CLEC16A: variants seen among roughly 807,000 people sequenced by gnomAD.
CLEC16A encodes the protein C-type lectin domain containing 16A.
CLEC16A carries 51 observed loss-of-function variants against 109.5 expected under a neutral mutation model. The observed-to-expected ratio is 0.47, with a 90% CI of 0.37 to 0.59. The LOEUF (loss-of-function observed/expected upper bound fraction) is 0.59, where lower values mean the gene tolerates loss of function less well. Ranked by LOEUF, CLEC16A falls within the 20% of genes least tolerant of loss-of-function variation. The probability of loss-of-function intolerance (pLI) is 0.00; values close to 1 mark genes in which losing one functional copy is unlikely to be tolerated. For synonymous variants in CLEC16A, 673 were observed against 564.2 expected, an observed-to-expected ratio of 1.19 and a Z score of -2.73; for missense variants, 1,339 against 1,394.0, an observed-to-expected ratio of 0.96 and a Z score of 0.63.
intron 22 of CLEC16A, among the ~76,000 whole-genome samples, chr16:11,145,762 C>T (rs1349273469): frequency 6.6e-6 from 1 of 152,270 alleles, no homozygotes; most frequent in African/African-American, 2.4e-5. Context: ...AACTCAGCCC[C>T]ACTGTTGCTC....
rs934559504 is a variant in CLEC16A, at chr16:11,170,511, C to G, written c.2806+3959C>G. On this transcript the variant is annotated intron_variant, in intron 23 of 23. Coordinates refer to ENST00000409790, the MANE Select transcript of CLEC16A (RefSeq NM_015226.3). Reference sequence around the variant, plus strand: ...TATCCCAAACACGTTCTCACCTTCCCGTGGGGACCTCAGCCTGGCTCCCAG... The same window carrying G: ...TATCCCAAACACGTTCTCACCTTCCGGTGGGGACCTCAGCCTGGCTCCCAG... Among the ~76,000 whole-genome samples, 3 of 152,210 alleles carry G rather than the reference C, an allele frequency of 2.0e-5. No homozygotes were observed. In the East Asian group the frequency reaches 5.8e-4, roughly 29 times the overall value.
chr16:10,986,936 C>G (rs548773552), intron 10 of CLEC16A, among the ~76,000 whole-genome samples: 1 of 152,098 alleles, frequency 6.6e-6, no homozygotes, highest in African/African-American at 2.4e-5. Flanking sequence ...TCACTGCAAC[C>G]TCTGTCTCCA....
At chr16:10,987,210 C>CGT (rs2043722111) in intron 10 of CLEC16A, among the ~76,000 whole-genome samples, 1 of 151,792 alleles carries the variant, frequency 6.6e-6, no homozygotes, top group African/African-American at 2.4e-5. Context: ...TATAGATTTG[C>CGT]GTGCAGTTGT....
chr16:11,124,451 GC>G, intron 21 of CLEC16A, among the ~76,000 whole-genome samples: 1 of 152,186 alleles, frequency 6.6e-6, no homozygotes, highest in African/African-American at 2.4e-5. Context: ...ATAAGAGGCA[GC>G]CCTGCTTGGT....
chr16:11,026,822 T>G (rs1403877608), intron 13 of CLEC16A, among the ~76,000 whole-genome samples: 5 of 152,164 alleles, frequency 3.3e-5, no homozygotes. Context: ...TGACACAGGC[T>G]CTAAAAACCC....
At chr16:11,093,514 G>A (rs2050433448) in intron 19 of CLEC16A, among the ~76,000 whole-genome samples, 1 of 152,184 alleles carries the variant, frequency 6.6e-6, no homozygotes, top group Non-Finnish European at 1.5e-5. Flanking sequence ...CTCAAGGGTT[G>A]GAAGGTGGGC....
At chr16:11,159,530 A>T (rs1280545505) in intron 22 of CLEC16A, among the ~76,000 whole-genome samples, 2 of 152,234 alleles carry the variant, frequency 1.3e-5, no homozygotes, top group African/African-American at 2.4e-5. Context: ...CTCATGTATA[A>T]ATTGGAGTTT....
At chr16:11,115,689 T>G (rs2051935276) in intron 19 of CLEC16A, among the ~76,000 whole-genome samples, 1 of 151,196 alleles carries the variant, frequency 6.6e-6, no homozygotes, top group African/African-American at 2.4e-5. Flanking sequence ...AAGTATTGAG[T>G]AAAGAAAACA....
chr16:11,039,988 C>T lies in CLEC16A; in HGVS notation c.1660+112C>T, dbSNP rs1597158409. The T allele has an allele frequency of 3.8e-6, 5 of 1,309,976 alleles. No homozygotes were observed. In the East Asian group the frequency reaches 7.8e-5, roughly 20 times the overall value. 81.1% of individuals were successfully genotyped at this position (1,309,976 alleles called of 1,614,324 possible). On this transcript the variant is annotated intron_variant, in intron 14 of 23. Transcript: ENST00000409790. ...CCTGAGCCTTCTGAGAATCCGGGCC[C>T]ATCCCAACCTCTCCCTCTGCCTCTC...
intron 22 of CLEC16A, among the ~76,000 whole-genome samples, chr16:11,127,126 C>T (rs1597478068): frequency 1.3e-5 from 2 of 152,136 alleles, no homozygotes; most frequent in South Asian, 4.1e-4. Flanking sequence ...CTATTGTTAA[C>T]AGTTTCTTGC....
chr16:10,979,297 C>T, intron 8 of CLEC16A, 32 bp from the exon 9 acceptor site: 1 of 1,358,996 alleles, frequency 7.4e-7, no homozygotes, highest in Non-Finnish European at 1.0e-6. Context: ...GTGACCTGAT[C>T]TCTCTCTCTC....
In CLEC16A at chr16:11,139,745, C is replaced by G. The variant is rs185712627; in HGVS notation, c.2641+13599C>G. On this transcript the variant is annotated intron_variant, in intron 22 of 23. Transcript: ENST00000409790. ...GCAGATGCTTCAACTGTATGAACTGCAAAGTTTGGACTGTGAAGTGCAGTG... is the reference window on the plus strand; with the variant it reads ...GCAGATGCTTCAACTGTATGAACTGGAAAGTTTGGACTGTGAAGTGCAGTG... 2.2e-4 allele frequency among the ~76,000 whole-genome samples: 34 copies of G among 152,290 alleles called. No individual in the cohort carries two copies. In the Middle Eastern group the frequency reaches 0.01, roughly 46 times the overall value.
intron 12 of CLEC16A, 161 bp from the exon 13 acceptor site, chr16:11,024,660 C>A: frequency 3.5e-6 from 2 of 572,746 alleles, no homozygotes; most frequent in Non-Finnish European, 3.2e-6. Context: ...GAGCCTGTCT[C>A]TCATTTGTCT....
At chr16:11,004,756 C>T (rs1039402177) in intron 11 of CLEC16A, among the ~76,000 whole-genome samples, 2 of 150,120 alleles carry the variant, frequency 1.3e-5, no homozygotes, top group Admixed American at 1.3e-4. Context: ...CAAAATGTCT[C>T]TCTGGTGCCA....
Position 11,103,726 on chromosome 16 carries a change from C to T in CLEC16A, c.2117-16889C>T, listed in dbSNP as rs193172647. On this transcript the variant is annotated intron_variant, in intron 19 of 23. Transcript: ENST00000409790. ...GGCATGTAATTGTCACTTCTTTGGG[C>T]TCCCATGCTAGACAGGAACCCCTGA... is the stretch of plus-strand genomic sequence containing the variant. Among the ~76,000 whole-genome samples, 183 of 152,194 alleles carry T rather than the reference C, an allele frequency of 1.2e-3. 1 individual carries two copies. The highest frequency in any genetic ancestry group is 5.2e-3 in the South Asian group (25 of 4,808).
At chr16:10,948,741 G>A (rs80079627) in intron 1 of CLEC16A, among the ~76,000 whole-genome samples, 20,310 of 152,120 alleles carry the variant, frequency 0.13, 1,334 homozygotes, top group African/African-American at 0.15. Context: ...GTCTGTCCCC[G>A]CTAAACCATG....
intron 19 of CLEC16A, among the ~76,000 whole-genome samples, chr16:11,089,942 G>T (rs2050212691): frequency 6.6e-6 from 1 of 152,194 alleles, no homozygotes; most frequent in Non-Finnish European, 1.5e-5. Flanking sequence ...TGGAATTCCT[G>T]CCTCCTTCAT....
At chr16:10,957,683 G>T in intron 1 of CLEC16A, 99 bp from the exon 2 acceptor site, 17 of 1,229,046 alleles carry the variant, frequency 1.4e-5, no homozygotes, top group Non-Finnish European at 1.8e-5. Context: ...ACCTGAAAAA[G>T]CATTGCTGCA....
intron 13 of CLEC16A, among the ~76,000 whole-genome samples, chr16:11,039,544 G>A (rs1038131289): frequency 1.3e-5 from 2 of 152,062 alleles, no homozygotes; most frequent in Non-Finnish European, 2.9e-5. Flanking sequence ...CAGCACTTGG[G>A]GAAGCCCAGG....
Sources: gnomAD v4.1 joint callset for allele counts (sites outside exome capture counted in the v4.1 genomes callset) on GRCh38, gnomAD v4.1.1 for gene constraint, MANE v1.5 for transcripts, NCBI Gene and HGNC (gene_info 2026-07-23, HGNC 2026-07-21) for gene names.